The following SLC22A25 variants were observed in gnomAD, a reference collection of about 807,000 sequenced individuals.
SLC22A25 encodes solute carrier family 22 member 25, also known as MGI:2442751, MGI:2385316, MGI:3042283, MGI:3645714, MGI:3605624, MGI:2442750.
Under a neutral mutation model 45.9 loss-of-function variants are expected in SLC22A25, and 44 were observed. The observed-to-expected ratio is 0.96, with a 90% CI of 0.75 to 1.23. SLC22A25 has a LOEUF of 1.23. Among genes scored for constraint, SLC22A25 ranks in the 50% most tolerant of loss-of-function variants. SLC22A25 has a pLI of 0.00. For synonymous variants in SLC22A25, 283 were observed against 238.6 expected (o/e 1.19, Z -1.72); for missense variants, 800 against 666.4 (o/e 1.20, Z -2.21).
intron 7 of SLC22A25, among the ~76,000 whole-genome samples, chr11:63,196,361 A>G (rs1180481372): frequency 1.3e-5 from 2 of 152,186 alleles, no homozygotes; most frequent in Non-Finnish European, 2.9e-5. Context: ...CCTCAGTAAA[A>G]TACTGGCAAA....
At chr11:63,207,494 G>A (rs868815477) in intron 7 of SLC22A25, among the ~76,000 whole-genome samples, 1 of 152,118 alleles carries the variant, frequency 6.6e-6, no homozygotes, top group Non-Finnish European at 1.5e-5. Flanking sequence ...CATTTATGCA[G>A]CCAACAAACA....
intron 7 of SLC22A25, among the ~76,000 whole-genome samples, chr11:63,211,947 C>T (rs1468484539): frequency 6.6e-6 from 1 of 152,006 alleles, no homozygotes; most frequent in Non-Finnish European, 1.5e-5. Flanking sequence ...CCAGAATCTA[C>T]AATGAACTCA....
At chr11:63,232,692 G>C (rs1001294420) in intron 3 of SLC22A25, among the ~76,000 whole-genome samples, 1 of 152,138 alleles carries the variant, frequency 6.6e-6, no homozygotes, top group East Asian at 1.9e-4. Context: ...TGGTGAGAGA[G>C]GGCACCCCTG....
At chr11:63,166,472 T>G in intron 9 of SLC22A25, 1 of 1,391,326 alleles carries the variant, frequency 7.2e-7, no homozygotes. Flanking sequence ...GGACAACAGA[T>G]GTTGTATGGA....
intron 2 of SLC22A25, 143 bp from the exon 3 acceptor site, chr11:63,238,155 C>T (rs910804824): frequency 3.9e-5 from 6 of 152,194 alleles, no homozygotes; most frequent in Non-Finnish European, 7.3e-5. Context: ...CTTTTCTTTA[C>T]TATTTGACCT....
intron 5 of SLC22A25, among the ~76,000 whole-genome samples, chr11:63,227,313 TACC>T (rs758634375): frequency 1.3e-5 from 2 of 152,164 alleles, no homozygotes; most frequent in Admixed American, 6.5e-5. Context: ...ATTACCTGGT[TACC>T]ACTGCTGATT....
intron 8 of SLC22A25, among the ~76,000 whole-genome samples, chr11:63,181,668 G>C (rs958289505): frequency 6.6e-6 from 1 of 151,988 alleles, no homozygotes; most frequent in African/African-American, 2.4e-5. Flanking sequence ...AATGAGACAG[G>C]CATGCTGTAG....
At chr11:63,206,003 T>C (rs1358055528) in intron 7 of SLC22A25, among the ~76,000 whole-genome samples, 1 of 152,054 alleles carries the variant, frequency 6.6e-6, no homozygotes, top group Non-Finnish European at 1.5e-5. Flanking sequence ...CGTAAGCAAA[T>C]CCATCACATA....
intron 9 of SLC22A25, among the ~76,000 whole-genome samples, chr11:63,177,824 G>A (rs2088149181): frequency 2.9e-5 from 4 of 136,442 alleles, no homozygotes; most frequent in East Asian, 2.0e-4. Context: ...TATATATAAT[G>A]TATATATATA....
At position 63,180,663 on chromosome 11, in the gene SLC22A25, A is replaced by C. The variant is rs2088284798; in HGVS notation, c.1067T>G (p.Val356Gly). Reference protein sequence around the residue: ...ICKRICFLSFVRFASTIPFWG... With the variant: ...ICKRICFLSFGRFASTIPFWG... ...TCACACACTGCATGAAACTTACCTC[A>C]CAAAGGACAGGAAACAGATTCTTTT... The change falls in exon 9 of 12, where the codon GTG becomes GGG. Residue 356 changes from valine (V) to glycine (G), a missense_variant. Val to Gly is a moderately radical substitution (Grantham distance 109, BLOSUM62 -3). Transcript: ENST00000306494. 1 of 1,609,040 alleles carries C rather than the reference A, an allele frequency of 6.2e-7. No individual in the cohort carries two copies. Among genetic ancestry groups the C allele is most frequent in the Admixed American group, 1.7e-5 (1 of 59,072 alleles).
At chr11:63,219,226 A>C (rs11231411) in intron 5 of SLC22A25, among the ~76,000 whole-genome samples, 56,515 of 152,004 alleles carry the variant, frequency 0.37, 10,748 homozygotes, top group East Asian at 0.56. Flanking sequence ...TTAAGAAAAT[A>C]TAAATTAATG....
rs2087526282 is a variant in SLC22A25, at chr11:63,160,704, C to T, written c.*3120G>A. The stretch of plus-strand genomic sequence containing the variant: ...ACTGCACACCTGGAAAAGCTGCAGA[C>T]ACTCAATGCCAGGTCACAAAAGCAG... On this transcript the variant is annotated 3_prime_UTR_variant, in exon 12 of 12. Coordinates refer to ENST00000306494, the MANE Select transcript of SLC22A25 (RefSeq NM_199352.6). 6.6e-6 allele frequency among the ~76,000 whole-genome samples: 1 copy of T among 152,168 alleles called. No individual in the cohort carries two copies. Among genetic ancestry groups the T allele is most frequent in the African/African-American group, 2.4e-5 (1 of 41,438 alleles).
chr11:63,193,715 G>A (rs1423853645), intron 7 of SLC22A25, among the ~76,000 whole-genome samples: 1 of 152,220 alleles, frequency 6.6e-6, no homozygotes, highest in Admixed American at 6.5e-5. Flanking sequence ...AGAAACAAGA[G>A]CAGAAAAGCT....
At chr11:63,169,703 A>G (rs2087810815) in intron 9 of SLC22A25, among the ~76,000 whole-genome samples, 1 of 152,202 alleles carries the variant, frequency 6.6e-6, no homozygotes, top group Non-Finnish European at 1.5e-5. Flanking sequence ...TTAGATTCCT[A>G]CGCAATAATA....
chr11:63,235,117 G>T (rs2090141306), intron 3 of SLC22A25, among the ~76,000 whole-genome samples: 1 of 152,084 alleles, frequency 6.6e-6, no homozygotes, highest in East Asian at 1.9e-4. Flanking sequence ...TGATAATTAT[G>T]TGTCTTGGAG....
intron 5 of SLC22A25, among the ~76,000 whole-genome samples, chr11:63,226,813 C>A (rs1242487278): frequency 6.6e-6 from 1 of 152,206 alleles, no homozygotes; most frequent in African/African-American, 2.4e-5. Flanking sequence ...TATAAATCTA[C>A]CCATCATTCT....
intron 7 of SLC22A25, among the ~76,000 whole-genome samples, chr11:63,195,597 T>A (rs573553847): frequency 5.3e-5 from 8 of 152,018 alleles, no homozygotes; most frequent in East Asian, 1.9e-4. Context: ...TGGGACACAT[T>A]CAAAGCAGTG....
chr11:63,200,140 C>T (rs907895981), intron 7 of SLC22A25, among the ~76,000 whole-genome samples: 1 of 151,882 alleles, frequency 6.6e-6, no homozygotes. Flanking sequence ...AGAAACTCCT[C>T]CCTAACTCAT....
intron 1 of SLC22A25, among the ~76,000 whole-genome samples, chr11:63,240,218 C>T (rs967922221): frequency 6.6e-6 from 1 of 152,160 alleles, no homozygotes; most frequent in African/African-American, 2.4e-5. Flanking sequence ...AAAAATTACA[C>T]TTTATAGGGT....
Sources: allele counts gnomAD v4.1 joint callset (sites outside exome capture counted in the v4.1 genomes callset), GRCh38; gene constraint gnomAD v4.1.1; transcripts MANE v1.5; gene names NCBI Gene and HGNC (gene_info 2026-07-23, HGNC 2026-07-21).